The following MYH9 variants were observed in gnomAD, a reference collection of about 807,000 sequenced individuals.
MYH9 encodes the protein myosin heavy chain 9.
A neutral mutation model predicts 241.9 loss-of-function variants in MYH9; 29 were observed. The observed-to-expected ratio is 0.12, with a 90% CI of 0.09 to 0.16. The LOEUF is 0.16. MYH9 is among the 10% of genes least tolerant of loss of function. MYH9 has a pLI of 1.00. For synonymous variants in MYH9, 1,047 were observed against 1,062.6 expected (o/e 0.99, Z 0.29); for missense variants, 1,803 against 2,595.5 (o/e 0.69, Z 6.63).
chr22:36,340,360 C>G (rs999181816), intron 3 of MYH9, among the ~76,000 whole-genome samples: 1 of 151,790 alleles, frequency 6.6e-6, no homozygotes, highest in Non-Finnish European at 1.5e-5. Context: ...GGGTAGGGGG[C>G]TCTATTAAGA....
rs756794134 is a variant in MYH9, at chr22:36,295,543, C to T, written c.3447G>A (p.Glu1149=). 6.2e-7 allele frequency: 1 copy of T among 1,613,708 alleles called. No homozygotes were observed. The highest frequency in any genetic ancestry group is 8.5e-7 in the Non-Finnish European group (1 of 1,180,010). The part of the protein sequence containing the change: ...EELEALKTEL[E]DTLDSTAAQQ... ...GGGCAGCTGTGGAATCCAGCGTGTC[C>T]TCCAACTCTGTTTTCAGAGCCTCTA... is the stretch of plus-strand genomic sequence containing the variant. Residue 1149 remains glutamate, a synonymous_variant, in exon 26 of 41, where the codon GAG becomes GAA. Transcript: ENST00000216181. This position sits in a 1 kb window ranked among gnomAD's most constrained non-coding sequence, Gnocchi z 4.1.
At chr22:36,287,566 A>G (rs1291397402) in intron 34 of MYH9, among the ~76,000 whole-genome samples, 1 of 152,008 alleles carries the variant, frequency 6.6e-6, no homozygotes, top group Non-Finnish European at 1.5e-5. Flanking sequence ...ACATGGTGAA[A>G]CCCCGTCTCT....
chr22:36,307,487 G>A (rs73405739), intron 15 of MYH9, among the ~76,000 whole-genome samples: 12 of 152,330 alleles, frequency 7.9e-5, no homozygotes, highest in African/African-American at 2.6e-4. Flanking sequence ...AGCCCGTTTC[G>A]TATTCCTTCA....
chr22:36,284,226 G>A lies in MYH9; in HGVS notation c.5632C>T (p.Gln1878Ter). ...ASTRLKQLKR[Q>*]LEEAEEEAQR... is the part of the protein sequence containing the mutation. ...GCCTCCTCTTCGGCCTCCTCCAGCTGCCGCTTGAGCTGCTTCAGGCGGGTA... is the reference window on the plus strand; with the variant it reads ...GCCTCCTCTTCGGCCTCCTCCAGCTACCGCTTGAGCTGCTTCAGGCGGGTA... Residue 1878 changes from glutamine to a stop codon, truncating the protein, a stop_gained, in exon 40 of 41, where the codon CAG (glutamine) becomes TAG (stop). Coordinates refer to ENST00000216181, the MANE Select transcript of MYH9 (RefSeq NM_002473.6). LOFTEE classifies it high-confidence loss of function. 6.2e-7 allele frequency: 1 copy of A among 1,612,860 alleles called. No homozygotes were observed. Among genetic ancestry groups the A allele is most frequent in the Non-Finnish European group, 8.5e-7 (1 of 1,179,738 alleles).
At position 36,309,310 on chromosome 22, in the gene MYH9, G is replaced by C. The variant is rs896335377; in HGVS notation, c.1815C>G (p.Asp605Glu). The C allele has an allele frequency of 2.5e-6, 4 of 1,614,082 alleles. No individual in the cohort carries two copies. The highest frequency in any genetic ancestry group is 1.7e-5 in the Admixed American group (1 of 60,006). The change falls in exon 15 of 41, where the codon GAC becomes GAG. Residue 605 changes from aspartate (D) to glutamate (E), a missense_variant. Physicochemically the swap from Asp to Glu is conservative, Grantham distance 45 (BLOSUM62 2). Coordinates refer to ENST00000216181, the MANE Select transcript of MYH9 (RefSeq NM_002473.6). ...CCTTCCACAGCTCCGAGACAAACTTGTCAGAGGACTGGTGGAGCAGTGTGG... is the reference window on the plus strand; with the variant it reads ...CCTTCCACAGCTCCGAGACAAACTTCTCAGAGGACTGGTGGAGCAGTGTGG... ...NIATLLHQSSDKFVSELWKDV... is the reference protein window; with the variant it reads ...NIATLLHQSSEKFVSELWKDV...
In MYH9 at chr22:36,342,870, TG is replaced by T. The variant is rs565362626; in HGVS notation, c.334-1345del. Among the ~76,000 whole-genome samples the T allele has an allele frequency of 2.3e-3, 346 of 152,350 alleles. 2 individuals carry two copies. Among genetic ancestry groups the T allele is most frequent in the Non-Finnish European group, 3.9e-3 (263 of 68,024 alleles). ...AAGGTCACAAGGCATTGGGCAGAGC[TG>T]GGAGCAGACTCGGGTCTCCAATGCC... On this transcript the variant is annotated intron_variant, in intron 2 of 40. Coordinates refer to ENST00000216181, the MANE Select transcript of MYH9 (RefSeq NM_002473.6).
In MYH9 at chr22:36,306,466, C is replaced by T. The variant is rs2072121426; in HGVS notation, c.1985G>A (p.Arg662Lys). Residue 662 changes from arginine (R) to lysine (K), a missense_variant, in exon 16 of 41, where the codon AGG (arginine) becomes AAG (lysine). Physicochemically the swap from Arg to Lys is conservative, Grantham distance 26 (BLOSUM62 2). Coordinates refer to ENST00000216181, the MANE Select transcript of MYH9 (RefSeq NM_002473.6). The surrounding 1 kb of genome is among the most constrained non-coding windows in gnomAD (Gnocchi z 4.1). ...GCGGACAAAGTTGGGGTTCGTGTTC[C>T]TCAGCGTAGCCATCAGCTTGGCCAG... ...EQLAKLMATL[R>K]NTNPNFVRCI... is the part of the protein sequence containing the mutation. 1 of 1,614,128 alleles carries T rather than the reference C, an allele frequency of 6.2e-7. No homozygotes were observed. Among genetic ancestry groups the T allele is most frequent in the Non-Finnish European group, 8.5e-7 (1 of 1,180,042 alleles).
intron 18 of MYH9, among the ~76,000 whole-genome samples, 173 bp from the exon 19 acceptor site, chr22:36,304,328 C>T (rs1193134686): frequency 6.6e-6 from 1 of 152,240 alleles, no homozygotes; most frequent in East Asian, 1.9e-4. Context: ...CCCTATCTCC[C>T]CGTCACCGAA....
intron 1 of MYH9, among the ~76,000 whole-genome samples, chr22:36,356,170 T>A (rs1453178758): frequency 1.3e-5 from 2 of 152,184 alleles, no homozygotes; most frequent in Non-Finnish European, 1.5e-5. Flanking sequence ...GTTTGTTTTT[T>A]TCCATCCCCA....
intron 14 of MYH9, 65 bp from the exon 15 acceptor site, chr22:36,309,461 C>T (rs899505739): frequency 3.0e-5 from 37 of 1,227,296 alleles, no homozygotes; most frequent in East Asian, 2.1e-4. Flanking sequence ...ACAGGGTCTC[C>T]GGAGCACAGG....
chr22:36,326,481 C>T, intron 5 of MYH9, 87 bp downstream of exon 5: 3 of 1,215,900 alleles, frequency 2.5e-6, no homozygotes, highest in Non-Finnish European at 3.7e-6. Flanking sequence ...TCTTGTAAAG[C>T]TGAAGCCGGG....
At chr22:36,360,211 A>C (rs16996693) in intron 1 of MYH9, among the ~76,000 whole-genome samples, 2,167 of 152,254 alleles carry the variant, frequency 0.014, 101 homozygotes, top group Admixed American at 0.084. Context: ...GGGCCCTCTG[A>C]AAATCAGTTA....
intron 12 of MYH9, 44 bp from the exon 13 acceptor site, chr22:36,314,362 C>A: frequency 6.2e-7 from 1 of 1,610,030 alleles, no homozygotes; most frequent in Admixed American, 1.7e-5. Context: ...CAACCCTGCA[C>A]TAAAGAGGCC....
intron 21 of MYH9, among the ~76,000 whole-genome samples, chr22:36,301,329 C>T (rs1265900563): frequency 3.3e-5 from 5 of 152,194 alleles, no homozygotes; most frequent in Non-Finnish European, 5.9e-5. Context: ...GTGAACGTTC[C>T]ACTCTATTAA....
intron 1 of MYH9, among the ~76,000 whole-genome samples, chr22:36,358,105 A>T (rs908926659): frequency 6.6e-6 from 1 of 152,116 alleles, no homozygotes; most frequent in African/African-American, 2.4e-5. Flanking sequence ...TGGGAATCCC[A>T]TCAGGCTGGA....
In MYH9 at chr22:36,285,590, G is replaced by T; in HGVS notation, c.5274+68C>A. ...ACTTGGCCTGTGCTTCTGCCGGCTG[G>T]GTCCAAGGCCAGCTCTGCCGTGGTG... On this transcript the variant is annotated intron_variant, in intron 37 of 40. Coordinates refer to ENST00000216181, the MANE Select transcript of MYH9 (RefSeq NM_002473.6). The surrounding 1 kb of genome is among the most constrained non-coding windows in gnomAD (Gnocchi z 7.0). 1 of 1,604,406 alleles carries T rather than the reference G, an allele frequency of 6.2e-7. No individual in the cohort carries two copies. The highest frequency in any genetic ancestry group is 8.5e-7 in the Non-Finnish European group (1 of 1,178,264).
At chr22:36,344,386 G>A (rs537978122) in intron 2 of MYH9, among the ~76,000 whole-genome samples, 4 of 152,296 alleles carry the variant, frequency 2.6e-5, no homozygotes, top group East Asian at 1.9e-4. Context: ...CAGGCTGCAC[G>A]AAGGCTCCTG....
At chr22:36,383,543 G>C (rs1160377719) in intron 1 of MYH9, among the ~76,000 whole-genome samples, 1 of 152,036 alleles carries the variant, frequency 6.6e-6, no homozygotes. Context: ...ACCTTGTTGT[G>C]CACAGAGGCA....
At chr22:36,307,265 G>A (rs1030630897) in intron 15 of MYH9, among the ~76,000 whole-genome samples, 1 of 152,150 alleles carries the variant, frequency 6.6e-6, no homozygotes, top group Non-Finnish European at 1.5e-5. Flanking sequence ...TGGTGCACGG[G>A]TCTTTCTCAT....
Sources: allele counts gnomAD v4.1 joint callset (sites outside exome capture counted in the v4.1 genomes callset), GRCh38; gene constraint gnomAD v4.1.1; non-coding constraint Gnocchi (gnomAD v3.1); transcripts MANE v1.5; gene names NCBI Gene and HGNC (gene_info 2026-07-23, HGNC 2026-07-21).